The following RBMS2 variants were observed in gnomAD, a reference collection of about 807,000 sequenced individuals.
RBMS2 encodes the protein RNA binding motif single stranded interacting protein 2.
Under a neutral mutation model 58.4 loss-of-function variants are expected in RBMS2, and 38 were observed. The ratio of observed to expected loss-of-function variants is 0.65; its 90% confidence interval spans 0.50 to 0.85. The LOEUF (loss-of-function observed/expected upper bound fraction) is 0.85. RBMS2 is among the 40% of genes least tolerant of loss of function. The pLI is 0.00. For synonymous variants in RBMS2, 151 were observed against 180.7 expected (o/e 0.84, Z 1.32); for missense variants, 367 against 503.7 (o/e 0.73, Z 2.60).
At chr12:56,522,190 C>G in intron 1 of RBMS2, 101 bp downstream of exon 1, 1 of 945,232 alleles carries the variant, frequency 1.1e-6, no homozygotes, top group East Asian at 2.6e-5. Flanking sequence ...AAGGGGCTTC[C>G]TCTCTCAAGA....
At chr12:56,527,045 T>A (rs909664139) in intron 1 of RBMS2, among the ~76,000 whole-genome samples, 1 of 152,186 alleles carries the variant, frequency 6.6e-6, no homozygotes, top group Non-Finnish European at 1.5e-5. Flanking sequence ...TAAGGCTGAC[T>A]GGTGGGTACT....
At chr12:56,557,125 A>G (rs1452563674) in intron 1 of RBMS2, among the ~76,000 whole-genome samples, 1 of 152,152 alleles carries the variant, frequency 6.6e-6, no homozygotes, top group Non-Finnish European at 1.5e-5. Context: ...TGAGAAACAT[A>G]AGAAGGGAAT....
intron 1 of RBMS2, among the ~76,000 whole-genome samples, chr12:56,542,949 A>G (rs1876414066): frequency 6.6e-6 from 1 of 151,966 alleles, no homozygotes; most frequent in Admixed American, 6.6e-5. Context: ...TCTGTCACCC[A>G]GGCTGGGGTG....
Position 56,592,085 on chromosome 12 carries a change from G to T in RBMS2, c.*2952G>T, listed in dbSNP as rs1273975761. ...GGGATACTGTTTCTCCCATGAAATAGTCTAATTGGTTGGGTTGATGGCAGA... is the reference window on the plus strand; with the variant it reads ...GGGATACTGTTTCTCCCATGAAATATTCTAATTGGTTGGGTTGATGGCAGA... On this transcript the variant is annotated 3_prime_UTR_variant, in exon 14 of 14. Transcript: ENST00000262031. The T allele has an allele frequency of 6.6e-6, 1 of 152,176 alleles. No individual in the cohort carries two copies. The highest frequency in any genetic ancestry group is 2.4e-5 in the African/African-American group (1 of 41,436). 9.4% of individuals were successfully genotyped at this position (152,176 alleles called of 1,614,324 possible). A position where few individuals can be genotyped will look rare whatever the true frequency, so the allele number is the denominator to read the frequency against.
intron 1 of RBMS2, among the ~76,000 whole-genome samples, chr12:56,551,230 C>T (rs1171735724): frequency 6.6e-6 from 1 of 152,066 alleles, no homozygotes; most frequent in African/African-American, 2.4e-5. Flanking sequence ...AAAACGAAAC[C>T]TTGCAGGTTT....
intron 1 of RBMS2, among the ~76,000 whole-genome samples, chr12:56,533,408 C>T (rs1278114725): frequency 3.1e-5 from 2 of 65,306 alleles, no homozygotes; most frequent in South Asian, 8.3e-4. Flanking sequence ...AGCCCTATTA[C>T]TTTTTTTTTT....
intron 1 of RBMS2, among the ~76,000 whole-genome samples, chr12:56,536,375 C>T (rs1874833362): frequency 6.6e-6 from 1 of 152,068 alleles, no homozygotes; most frequent in African/African-American, 2.4e-5. Flanking sequence ...CCTCCCACCT[C>T]AGCCTCCCAA....
intron 1 of RBMS2, among the ~76,000 whole-genome samples, chr12:56,543,977 C>T (rs543578146): frequency 2.0e-5 from 3 of 151,498 alleles, no homozygotes; most frequent in Non-Finnish European, 2.9e-5. Context: ...CATAGAGTCA[C>T]CTTTTAAAAC....
intron 1 of RBMS2, among the ~76,000 whole-genome samples, chr12:56,553,024 G>A (rs912973102): frequency 1.4e-5 from 2 of 138,260 alleles, no homozygotes; most frequent in African/African-American, 5.3e-5. Context: ...ATCCTCCCAG[G>A]TTCAAGCAGT....
chr12:56,568,090 G>A (rs558894608), intron 2 of RBMS2, among the ~76,000 whole-genome samples: 1 of 152,178 alleles, frequency 6.6e-6, no homozygotes, highest in Admixed American at 6.5e-5. Flanking sequence ...ACACCAAAAG[G>A]TTCAATGACT....
At chr12:56,581,105 G>C in intron 5 of RBMS2, 79 bp from the exon 6 acceptor site, 1 of 1,209,542 alleles carries the variant, frequency 8.3e-7, no homozygotes, top group South Asian at 1.2e-5. Context: ...TGGGAACTTA[G>C]AGCTTTGCTT....
chr12:56,520,953 A>C (rs888242310), upstream of RBMS2, among the ~76,000 whole-genome samples: 2 of 152,214 alleles, frequency 1.3e-5, no homozygotes, highest in African/African-American at 4.8e-5. Flanking sequence ...CCAGTCTGAT[A>C]ATTCCTTCTT....
intron 1 of RBMS2, among the ~76,000 whole-genome samples, chr12:56,523,078 A>C (rs1456131403): frequency 1.3e-5 from 2 of 152,198 alleles, no homozygotes; most frequent in Admixed American, 1.3e-4. Flanking sequence ...GTGGATTTAA[A>C]CACAAGTGTC....
chr12:56,556,505 A>G (rs967620495), intron 1 of RBMS2, among the ~76,000 whole-genome samples: 1 of 151,470 alleles, frequency 6.6e-6, no homozygotes, highest in Non-Finnish European at 1.5e-5. Context: ...CCTCTGGAGT[A>G]GCTGGGATTA....
intron 8 of RBMS2, 77 bp from the exon 9 acceptor site, chr12:56,581,982 T>C (rs1884019793): frequency 2.5e-6 from 4 of 1,571,864 alleles, no homozygotes; most frequent in East Asian, 2.2e-5. Context: ...CAAGGGAACG[T>C]TGGCTGTGCC....
intron 1 of RBMS2, among the ~76,000 whole-genome samples, chr12:56,534,121 GT>G (rs998244512): frequency 6.6e-6 from 1 of 151,860 alleles, no homozygotes; most frequent in African/African-American, 2.4e-5. Context: ...TTCTGTTTTT[GT>G]TTTTGTTTTT....
chr12:56,571,656 A>T (rs376848756), intron 4 of RBMS2, 42 bp from the exon 5 acceptor site: 37 of 1,462,478 alleles, frequency 2.5e-5, no homozygotes, highest in East Asian at 2.0e-4. Flanking sequence ...TGGGAGAGGG[A>T]TAAGAGATGT....
chr12:56,574,132 C>T (rs1882780743), intron 5 of RBMS2, among the ~76,000 whole-genome samples: 1 of 152,084 alleles, frequency 6.6e-6, no homozygotes, highest in Admixed American at 6.6e-5. Context: ...TGAGCCACTG[C>T]GCCCAGCCAG....
At chr12:56,546,887 T>C (rs1877349236) in intron 1 of RBMS2, among the ~76,000 whole-genome samples, 2 of 152,218 alleles carry the variant, frequency 1.3e-5, no homozygotes, top group Admixed American at 1.3e-4. Flanking sequence ...CCAAAGCAGC[T>C]GCATCGTTTT....
Sources: gnomAD v4.1 joint callset for allele counts (sites outside exome capture counted in the v4.1 genomes callset) on GRCh38, gnomAD v4.1.1 for gene constraint, MANE v1.5 for transcripts, NCBI Gene and HGNC (gene_info 2026-07-23, HGNC 2026-07-21) for gene names.